The following CNTNAP2 variants were observed in gnomAD, a reference collection of about 807,000 sequenced individuals.
The protein encoded by CNTNAP2 is contactin associated protein 2.
CNTNAP2 carries 98 observed loss-of-function variants against 155.2 expected under a neutral mutation model. That is an observed-to-expected ratio of 0.63 (90% confidence interval 0.54 to 0.75). The LOEUF (loss-of-function observed/expected upper bound fraction) is 0.75. CNTNAP2 is among the 30% of genes least tolerant of loss of function. The pLI, the probability that CNTNAP2 is intolerant of heterozygous loss-of-function variation, is 0.00. For missense variants in CNTNAP2, 1,727 were observed against 1,688.1 expected, an observed-to-expected ratio of 1.02 and a Z score of -0.40; for synonymous variants, 651 against 631.2, an observed-to-expected ratio of 1.03 and a Z score of -0.47.
intron 1 of CNTNAP2, among the ~76,000 whole-genome samples, chr7:146,269,907 C>G (rs1390703131): frequency 2.0e-5 from 3 of 152,162 alleles, no homozygotes; most frequent in Non-Finnish European, 4.4e-5. Flanking sequence ...CCATCATTGC[C>G]TTTTTCACTC....
chr7:147,148,187 G>A (rs1235456446), intron 8 of CNTNAP2, among the ~76,000 whole-genome samples: 2 of 151,688 alleles, frequency 1.3e-5, no homozygotes, highest in African/African-American at 2.4e-5. Context: ...TCAGGAGATC[G>A]AGACCATCCC....
intron 4 of CNTNAP2, among the ~76,000 whole-genome samples, chr7:147,105,202 AG>A (rs1800740543): frequency 6.6e-6 from 1 of 151,910 alleles, no homozygotes; most frequent in Non-Finnish European, 1.5e-5. Context: ...TCTTATTCAA[AG>A]TTAGAAAGTG....
chr7:146,309,986 T>C (rs1312367525), intron 1 of CNTNAP2, among the ~76,000 whole-genome samples: 1 of 152,174 alleles, frequency 6.6e-6, no homozygotes, highest in African/African-American at 2.4e-5. Flanking sequence ...AATTGTGACA[T>C]AGAGTTAGTG....
chr7:146,309,103 G>A (rs1249239389), intron 1 of CNTNAP2, among the ~76,000 whole-genome samples: 3 of 152,112 alleles, frequency 2.0e-5, no homozygotes, highest in African/African-American at 4.8e-5. Flanking sequence ...GATATGAGAA[G>A]AACCACCTTT....
intron 10 of CNTNAP2, among the ~76,000 whole-genome samples, chr7:147,457,387 C>T (rs1465709502): frequency 6.6e-6 from 1 of 152,082 alleles, no homozygotes; most frequent in Non-Finnish European, 1.5e-5. Context: ...ATTCTTCTTC[C>T]GCCATATCCT....
chr7:147,379,034 T>C (rs1796489316), intron 9 of CNTNAP2, among the ~76,000 whole-genome samples: 1 of 151,982 alleles, frequency 6.6e-6, no homozygotes, highest in Non-Finnish European at 1.5e-5. Context: ...CTGATGGTTA[T>C]AAGGGACTTT....
intron 3 of CNTNAP2, among the ~76,000 whole-genome samples, chr7:146,912,819 G>A (rs954765319): frequency 6.6e-6 from 1 of 152,090 alleles, no homozygotes; most frequent in Admixed American, 6.6e-5. Context: ...CAATTACTGT[G>A]CTAATGACTT....
chr7:146,386,343 T>G (rs534185288), intron 1 of CNTNAP2, among the ~76,000 whole-genome samples: 2 of 152,300 alleles, frequency 1.3e-5, no homozygotes, highest in Non-Finnish European at 2.9e-5. Context: ...TTAAATCACT[T>G]GGAATACTGT....
chr7:147,998,513 T>C (rs948427591), intron 15 of CNTNAP2, among the ~76,000 whole-genome samples: 1 of 152,168 alleles, frequency 6.6e-6, no homozygotes, highest in Non-Finnish European at 1.5e-5. Context: ...ATCATCTATT[T>C]CAGGATAAGT....
intron 8 of CNTNAP2, among the ~76,000 whole-genome samples, chr7:147,202,713 C>A (rs555745517): frequency 6.6e-6 from 1 of 151,974 alleles, no homozygotes; most frequent in South Asian, 2.1e-4. Flanking sequence ...AACCAAACAC[C>A]GCATGTTCTC....
intron 1 of CNTNAP2, among the ~76,000 whole-genome samples, chr7:146,158,508 G>T (rs1003429700): frequency 1.3e-5 from 2 of 152,124 alleles, no homozygotes; most frequent in Non-Finnish European, 2.9e-5. Flanking sequence ...AAGATTAAAC[G>T]AATGGCTAAC....
At chr7:146,665,783 T>TAAAAAAAAAAAAAAAAAAAAA (rs750837961) in intron 1 of CNTNAP2, among the ~76,000 whole-genome samples, 2 of 48,290 alleles carry the variant, frequency 4.1e-5, no homozygotes, top group African/African-American at 2.3e-4. Flanking sequence ...TCTGTCTCAT[T>TAAAAAAAAAAAAAAAAAAAAA]AAAAAAAAAA....
intron 21 of CNTNAP2, among the ~76,000 whole-genome samples, chr7:148,300,576 GAA>G (rs71188963): frequency 0.014 from 1,718 of 126,536 alleles, 60 homozygotes; most frequent in Admixed American, 0.073. Flanking sequence ...GGCTAAGCAG[GAA>G]AAAAAAAAAA....
chr7:146,405,301 C>T (rs1795775144), intron 1 of CNTNAP2, among the ~76,000 whole-genome samples: 1 of 152,102 alleles, frequency 6.6e-6, no homozygotes, highest in Non-Finnish European at 1.5e-5. Flanking sequence ...AGGATAACAA[C>T]CCTGACTGAA....
chr7:146,350,558 G>A (rs938407860), intron 1 of CNTNAP2, among the ~76,000 whole-genome samples: 5 of 151,704 alleles, frequency 3.3e-5, no homozygotes, highest in African/African-American at 1.2e-4. Flanking sequence ...TGGAGAAATA[G>A]GAACACTTTT....
intron 5 of CNTNAP2, among the ~76,000 whole-genome samples, chr7:147,116,674 G>T (rs568295244): frequency 5.3e-4 from 81 of 152,218 alleles, no homozygotes; most frequent in African/African-American, 1.9e-3. Context: ...TGGAATGACT[G>T]AATTGTCCAA....
At chr7:146,358,685 A>G (rs927657544) in intron 1 of CNTNAP2, among the ~76,000 whole-genome samples, 4 of 152,168 alleles carry the variant, frequency 2.6e-5, no homozygotes, top group African/African-American at 9.7e-5. Flanking sequence ...AACCAGTTTG[A>G]AGAGTGGTCT....
chr7:147,918,868 C>T (rs894763727), intron 14 of CNTNAP2, among the ~76,000 whole-genome samples: 11 of 152,168 alleles, frequency 7.2e-5, no homozygotes, highest in African/African-American at 2.4e-4. Flanking sequence ...AAGATGTTCA[C>T]ATTCTAATTC....
intron 1 of CNTNAP2, among the ~76,000 whole-genome samples, chr7:146,755,061 T>A (rs1212897166): frequency 1.3e-5 from 2 of 151,954 alleles, no homozygotes; most frequent in Non-Finnish European, 2.9e-5. Flanking sequence ...TTGGTGGTAT[T>A]TTAGGGTGAT....
Sources: gnomAD v4.1 joint callset for allele counts (sites outside exome capture counted in the v4.1 genomes callset) on GRCh38, gnomAD v4.1.1 for gene constraint, MANE v1.5 for transcripts, NCBI Gene and HGNC (gene_info 2026-07-23, HGNC 2026-07-21) for gene names.